WFS1: variants seen among roughly 807,000 people sequenced by gnomAD.
WFS1 encodes wolframin.
In WFS1, 90 loss-of-function variants were observed where a neutral mutation model predicts 68.5. The ratio of observed to expected loss-of-function variants is 1.31; its 90% CI spans 1.11 to 1.56. The LOEUF (loss-of-function observed/expected upper bound fraction) is 1.56, where lower values mean the gene tolerates loss of function less well. Among genes scored for constraint, WFS1 ranks in the 40% most tolerant of loss-of-function variants. WFS1 has a pLI of 0.00. For synonymous variants in WFS1, 860 were observed against 540.7 expected (o/e 1.59, Z -8.19); for missense variants, 1,767 against 1,232.6 (o/e 1.43, Z -6.49).
intron 2 of WFS1, among the ~76,000 whole-genome samples, chr4:6,281,384 C>T (rs1430188903): frequency 1.3e-5 from 2 of 152,118 alleles, no homozygotes; most frequent in African/African-American, 2.4e-5. Flanking sequence ...CCAAGCAGGG[C>T]CCTGAGGGTC....
At position 6,277,593 on chromosome 4, in the gene WFS1, C is replaced by G. The variant is rs1430113884; in HGVS notation, c.138C>G (p.Pro46=). The G allele has an allele frequency of 6.3e-7, 1 of 1,579,004 alleles. No homozygotes were observed. The highest frequency in any genetic ancestry group is 1.8e-5 in the Admixed American group (1 of 55,368). ...ERSERPRAPG[P]QAGPGPGVRD... is the part of the protein sequence containing the mutation. Reference sequence around the variant, plus strand: ...GCGAAAGGCCCCGAGCACCCGGACCCCAGGCTGGCCCTGGCCCTGGTGTTA... The same window carrying G: ...GCGAAAGGCCCCGAGCACCCGGACCGCAGGCTGGCCCTGGCCCTGGTGTTA... Residue 46 remains proline, a synonymous_variant, in exon 2 of 8, where the codon CCC becomes CCG. Transcript: ENST00000226760.
chr4:6,300,830 C>T lies in WFS1; in HGVS notation c.1035C>T (p.Ile345=). The T allele has an allele frequency of 6.2e-7, 1 of 1,614,126 alleles. No individual in the cohort carries two copies. Among genetic ancestry groups the T allele is most frequent in the Non-Finnish European group, 8.5e-7 (1 of 1,180,008 alleles). The change falls in exon 8 of 8, where the codon ATC becomes ATT. Residue 345 remains isoleucine, a synonymous_variant. Coordinates refer to ENST00000226760, the MANE Select transcript of WFS1 (RefSeq NM_006005.3). ...NLTIDFFAFF[I]PLVIFYLSFI... ...CCATCGACTTCTTCGCCTTCTTCAT[C>T]CCGCTGGTCATCTTCTACCTGTCCT... is the stretch of plus-strand genomic sequence containing the variant.
rs150394063 is a variant in WFS1 at position 6,301,345 on chromosome 4, G to T, written c.1550G>T (p.Arg517Leu). 4.3e-6 allele frequency: 7 copies of T among 1,612,016 alleles called. No individual in the cohort carries two copies. In the African/African-American group the frequency reaches 6.7e-5, roughly 15 times the overall value. ...LYVYLLYLFF[R>L]MAQLRNFKGT... Reference sequence around the variant, plus strand: ...GTCTACCTGCTCTATCTCTTCTTCCGCATGGCACAGCTGAGGAATTTCAAG... The same window carrying T: ...GTCTACCTGCTCTATCTCTTCTTCCTCATGGCACAGCTGAGGAATTTCAAG... Residue 517 changes from arginine to leucine, a missense_variant, in exon 8 of 8, where the codon CGC becomes CTC. Coordinates refer to ENST00000226760, the MANE Select transcript of WFS1 (RefSeq NM_006005.3).
In WFS1 at chr4:6,300,942, C is replaced by T. The variant is rs759466443; in HGVS notation, c.1147C>T (p.Arg383Cys). Residue 383 changes from arginine to cysteine, a missense_variant, in exon 8 of 8, where the codon CGC becomes TGC. Arg to Cys is a radical substitution (Grantham distance 180). Transcript: ENST00000226760. The stretch of plus-strand genomic sequence containing the variant: ...CCGCACCCTCACCGACCTGCTGCTG[C>T]GCTTCGAGCCCAACCTGGATGTGGA... ...NFRTLTDLLL[R>C]FEPNLDVEQA... 41 of 1,614,190 alleles carry T rather than the reference C, an allele frequency of 2.5e-5. No individual in the cohort carries two copies. The East Asian group carries it at 3.8e-4, about 15-fold the overall frequency.
Position 6,296,051 on chromosome 4 carries a change from T to C in WFS1, c.861+862T>C, listed in dbSNP as rs554724470. Among the ~76,000 whole-genome samples the C allele has an allele frequency of 2.0e-4, 31 of 152,332 alleles. No individual in the cohort carries two copies. The East Asian group carries it at 6.0e-3, about 29-fold the overall frequency. On this transcript the variant is annotated intron_variant, in intron 7 of 7. Coordinates refer to ENST00000226760, the MANE Select transcript of WFS1 (RefSeq NM_006005.3). The stretch of plus-strand genomic sequence containing the variant: ...GCAGGCACCCTGGGGTTCTGTCTTC[T>C]GAACTGACTGAGAACCTGGAGGAAC...
In WFS1 at chr4:6,287,668, A is replaced by C. The variant is rs1730352218; in HGVS notation, c.315+493A>C. 6.6e-6 allele frequency among the ~76,000 whole-genome samples: 1 copy of C among 152,160 alleles called. No individual in the cohort carries two copies. The highest frequency in any genetic ancestry group is 2.1e-4 in the South Asian group (1 of 4,830). On this transcript the variant is annotated intron_variant, in intron 3 of 7. Transcript: ENST00000226760. This position sits in a 1 kb window ranked among gnomAD's most constrained non-coding sequence, Gnocchi z 6.4. ...CTCTTCATGGGTGACAGGTTAGTGG[A>C]AGAAGCAGACCCAAAAAACCCAAGT...
chr4:6,288,761 C>T (rs1027434645), intron 3 of WFS1: 9 of 626,668 alleles, frequency 1.4e-5, no homozygotes, highest in South Asian at 3.6e-5. Flanking sequence ...TCTCCCTCGC[C>T]GTGTGGATGG....
At chr4:6,294,319 G>A (rs1232323685) in intron 6 of WFS1, among the ~76,000 whole-genome samples, 6 of 152,158 alleles carry the variant, frequency 3.9e-5, no homozygotes, top group East Asian at 1.9e-4. Flanking sequence ...CGTAGCTCTC[G>A]CGGATCACGT....
intron 1 of WFS1, among the ~76,000 whole-genome samples, chr4:6,272,420 G>A (rs1381691163): frequency 6.6e-6 from 1 of 152,218 alleles, no homozygotes; most frequent in Non-Finnish European, 1.5e-5. Flanking sequence ...GGATAGAGCT[G>A]GAATGTTCCT....
rs375880230 is a variant in WFS1, at chr4:6,301,970, C to T, written c.2175C>T (p.Phe725=). ...AGTCTGCCATCAACATGCTCCCGTT[C>T]TTCATCGGCGACTGGATGCGCTGCC... The part of the protein sequence containing the change: ...SAESAINMLP[F]FIGDWMRCLY... Residue 725 remains phenylalanine, a synonymous_variant, in exon 8 of 8, where the codon TTC becomes TTT. Transcript: ENST00000226760. 2 of 1,612,826 alleles carry T rather than the reference C, an allele frequency of 1.2e-6. No individual in the cohort carries two copies. The highest frequency in any genetic ancestry group is 8.5e-7 in the Non-Finnish European group (1 of 1,179,948).
At chr4:6,292,350 G>T (rs1257822303) in intron 6 of WFS1, among the ~76,000 whole-genome samples, 1 of 152,132 alleles carries the variant, frequency 6.6e-6, no homozygotes, top group East Asian at 1.9e-4. Flanking sequence ...GGGGAAGGAT[G>T]AGGAGGGCAT....
chr4:6,299,993 G>C (rs1336840732), intron 7 of WFS1, among the ~76,000 whole-genome samples: 1 of 151,920 alleles, frequency 6.6e-6, no homozygotes. Flanking sequence ...ACGGGCAGAA[G>C]GTGGCCTGGC....
In WFS1 at chr4:6,288,759, G is replaced by A. The variant is rs185702257; in HGVS notation, c.316-228G>A. The stretch of plus-strand genomic sequence containing the variant: ...ACCAGTCGGAGCCCGTGTCTCCCTC[G>A]CCGTGTGGATGGGGTGGCCACACCT... On this transcript the variant is annotated intron_variant, in intron 3 of 7. Coordinates refer to ENST00000226760, the MANE Select transcript of WFS1 (RefSeq NM_006005.3). The A allele has an allele frequency of 3.1e-4, 191 of 617,350 alleles. 1 individual carries two copies. The highest frequency in any genetic ancestry group is 3.0e-3 in the African/African-American group (166 of 55,664). 38.2% of individuals were successfully genotyped at this position (617,350 alleles called of 1,614,324 possible). A position where few individuals can be genotyped will look rare whatever the true frequency, so the allele number is the denominator to read the frequency against.
In WFS1 at chr4:6,283,549, G is replaced by C. The variant is rs1419252626; in HGVS notation, c.233-3544G>C. ...GCTTTCCTGTGCTGCCTGTGTCTCA[G>C]GGGCTCTGCCCACAGGGTGACCTTC... On this transcript the variant is annotated intron_variant, in intron 2 of 7. Transcript: ENST00000226760. The surrounding 1 kb of genome is among the most constrained non-coding windows in gnomAD (Gnocchi z 5.0). Among the ~76,000 whole-genome samples, 1 of 152,212 alleles carries C rather than the reference G, an allele frequency of 6.6e-6. No homozygotes were observed. Among genetic ancestry groups the C allele is most frequent in the Non-Finnish European group, 1.5e-5 (1 of 68,048 alleles).
chr4:6,301,087 A>C lies in WFS1; in HGVS notation c.1292A>C (p.Glu431Ala). Reference sequence around the variant, plus strand: ...AGCAAGGACTGCATCCCCTGCTCGGAGCTGGCTGTCATCACCGGCTTCTTT... The same window carrying C: ...AGCAAGGACTGCATCCCCTGCTCGGCGCTGGCTGTCATCACCGGCTTCTTT... ...IASKDCIPCS[E>A]LAVITGFFTV... The change falls in exon 8 of 8, where the codon GAG becomes GCG. Residue 431 changes from glutamate to alanine, a missense_variant. Transcript: ENST00000226760. 4 of 1,613,938 alleles carry C rather than the reference A, an allele frequency of 2.5e-6. No individual in the cohort carries two copies. Among genetic ancestry groups the C allele is most frequent in the Non-Finnish European group, 3.4e-6 (4 of 1,180,006 alleles).
rs1731020482 is a variant in WFS1, at chr4:6,303,026, T to C, written c.*558T>C. Reference sequence around the variant, plus strand: ...GCTGGGGGAGGCGGCACATTGGCAGTGTGTCACACTGAGCTGGGCACCACA... The same window carrying C: ...GCTGGGGGAGGCGGCACATTGGCAGCGTGTCACACTGAGCTGGGCACCACA... On this transcript the variant is annotated 3_prime_UTR_variant, in exon 8 of 8. Coordinates refer to ENST00000226760, the MANE Select transcript of WFS1 (RefSeq NM_006005.3). The C allele has an allele frequency of 6.0e-6, 1 of 165,986 alleles. No homozygotes were observed. Among genetic ancestry groups the C allele is most frequent in the African/African-American group, 2.4e-5 (1 of 41,568 alleles). 10.3% of individuals were successfully genotyped at this position (165,986 alleles called of 1,614,324 possible). A position where few individuals can be genotyped will look rare whatever the true frequency, so the allele number is the denominator to read the frequency against.
chr4:6,292,978 C>T (rs116338822), intron 6 of WFS1, among the ~76,000 whole-genome samples: 2,410 of 152,294 alleles, frequency 0.016, 54 homozygotes, highest in African/African-American at 0.055. Flanking sequence ...TGGGTGCTTG[C>T]GCTGCTGTTT....
At chr4:6,275,230 C>T (rs1729959306) in intron 1 of WFS1, among the ~76,000 whole-genome samples, 1 of 152,198 alleles carries the variant, frequency 6.6e-6, no homozygotes, top group Non-Finnish European at 1.5e-5. Flanking sequence ...GAAAGTGACA[C>T]CTGACTTCGG....
chr4:6,300,922 C>G lies in WFS1; in HGVS notation c.1127C>G (p.Thr376Ser). The G allele has an allele frequency of 6.2e-7, 1 of 1,614,198 alleles. No individual in the cohort carries two copies. Among genetic ancestry groups the G allele is most frequent in the Non-Finnish European group, 8.5e-7 (1 of 1,180,036 alleles). Residue 376 changes from threonine to serine, a missense_variant, in exon 8 of 8, where the codon ACC becomes AGC. Thr to Ser is a moderately conservative substitution (Grantham distance 58, BLOSUM62 1). Coordinates refer to ENST00000226760, the MANE Select transcript of WFS1 (RefSeq NM_006005.3). ...AGCAAGGCCTGGGAGAACTTCCGCA[C>G]CCTCACCGACCTGCTGCTGCGCTTC... ...QDSKAWENFR[T>S]LTDLLLRFEP...
Sources: allele counts gnomAD v4.1 joint callset (sites outside exome capture counted in the v4.1 genomes callset), GRCh38; gene constraint gnomAD v4.1.1; non-coding constraint Gnocchi (gnomAD v3.1); transcripts MANE v1.5; gene names NCBI Gene and HGNC (gene_info 2026-07-23, HGNC 2026-07-21).